Variants in UIMC1 observed in about 807,000 individuals in gnomAD.
UIMC1 encodes the protein BRCA1-A complex subunit RAP80.
In UIMC1, 42 loss-of-function variants were observed where a neutral mutation model predicts 84.9. That is an observed-to-expected ratio of 0.49 (90% confidence interval 0.39 to 0.64). The LOEUF is 0.64. UIMC1 is among the 30% of genes least tolerant of loss of function. The pLI, the probability that UIMC1 is intolerant of heterozygous loss-of-function variation, is 0.00. For synonymous variants in UIMC1, 281 were observed against 293.0 expected, an observed-to-expected ratio of 0.96 and a Z score of 0.42; for missense variants, 825 against 847.6, an observed-to-expected ratio of 0.97 and a Z score of 0.33.
intron 10 of UIMC1, among the ~76,000 whole-genome samples, chr5:176,925,888 T>C (rs543894957): frequency 2.0e-5 from 3 of 152,272 alleles, no homozygotes; most frequent in Admixed American, 6.5e-5. Context: ...CACACAAATA[T>C]TGGAACTTGG....
intron 1 of UIMC1, among the ~76,000 whole-genome samples, chr5:177,002,760 T>C (rs760183503): frequency 1.3e-5 from 2 of 152,184 alleles, no homozygotes; most frequent in Non-Finnish European, 2.9e-5. Context: ...ATCGTGCCAC[T>C]GCACTCCAGC....
chr5:176,928,612 A>G (rs139686640), intron 10 of UIMC1, among the ~76,000 whole-genome samples: 1,634 of 152,348 alleles, frequency 0.011, 10 homozygotes, highest in South Asian at 0.025. Flanking sequence ...CAAAAAAACA[A>G]TTATTGGACT....
chr5:177,019,054 GGCTAACATAGTGA>G (rs1775734029), intron 1 of UIMC1, among the ~76,000 whole-genome samples: 2 of 152,038 alleles, frequency 1.3e-5, no homozygotes, highest in Non-Finnish European at 2.9e-5. Flanking sequence ...TGACCATCCT[GGCTAACATAGTGA>G]GACCCCGTCT....
rs578059165 is a variant in UIMC1 at position 176,949,781 on chromosome 5, C to T, written c.1443+1693G>A. ...AAAAACTTTTTTAAAAATCCCAGGC[C>T]GGGCACAGTGGCTCACGCCTGTAAT... is the stretch of plus-strand genomic sequence containing the variant. On this transcript the variant is annotated intron_variant, in intron 9 of 14. Coordinates refer to ENST00000511320, the MANE Select transcript of UIMC1 (RefSeq NM_001199298.2). Among the ~76,000 whole-genome samples the T allele has an allele frequency of 1.3e-4, 20 of 152,258 alleles. No individual in the cohort carries two copies. In the East Asian group the frequency reaches 3.7e-3, roughly 28 times the overall value.
chr5:176,951,567 T>C lies in UIMC1; in HGVS notation c.1350A>G (p.Leu450=). The C allele has an allele frequency of 1.3e-6, 2 of 1,580,454 alleles. No homozygotes were observed. Among genetic ancestry groups the C allele is most frequent in the Non-Finnish European group, 1.7e-6 (2 of 1,167,542 alleles). ...EEITVCPETQ[L]SSSETFDLER... is the part of the protein sequence containing the mutation. ...CAAGGTCAAAAGTTTCAGAGGAACT[T>C]AGCTGGGTCTCTGTAATTTAAAAAA... Residue 450 remains leucine, a synonymous_variant, in exon 9 of 15, where the codon CTA becomes CTG. Coordinates refer to ENST00000511320, the MANE Select transcript of UIMC1 (RefSeq NM_001199298.2).
rs751510068 is a variant in UIMC1, at chr5:176,982,494, A to G, written c.122T>C (p.Ile41Thr). The G allele has an allele frequency of 3.7e-6, 6 of 1,613,756 alleles. No individual in the cohort carries two copies. In the East Asian group the frequency reaches 1.3e-4, roughly 36 times the overall value. The change falls in exon 2 of 15, where the codon ATT (isoleucine) becomes ACT (threonine). Residue 41 changes from isoleucine (I) to threonine (T), a missense_variant. By Grantham distance (89) the Ile-to-Thr change is moderately conservative. Coordinates refer to ENST00000511320, the MANE Select transcript of UIMC1 (RefSeq NM_001199298.2). ...CTCTCCATCACTATCGGATATCACA[A>G]TGAATGCATCCTCAAGTCTACGCTT... is the stretch of plus-strand genomic sequence containing the variant. ...KRKRRLEDAFIVISDSDGEEP... is the reference protein window; with the variant it reads ...KRKRRLEDAFTVISDSDGEEP...
chr5:176,970,576 G>A, intron 4 of UIMC1, 166 bp downstream of exon 4: 1 of 1,083,424 alleles, frequency 9.2e-7, no homozygotes, highest in Admixed American at 1.9e-5. Context: ...TTTAAATTGG[G>A]TTAACCAACA....
chr5:176,993,630 AT>A (rs1172595741), intron 1 of UIMC1, among the ~76,000 whole-genome samples: 10 of 152,198 alleles, frequency 6.6e-5, no homozygotes, highest in African/African-American at 2.4e-4. Flanking sequence ...TCTACTGATA[AT>A]TTGTAAGGCA....
chr5:176,979,951 G>A (rs947509197), intron 2 of UIMC1, among the ~76,000 whole-genome samples: 8 of 152,136 alleles, frequency 5.3e-5, no homozygotes, highest in Non-Finnish European at 7.4e-5. Flanking sequence ...TGCACTCAAT[G>A]TGGGTGAACA....
At chr5:176,936,438 C>T (rs576587129) in intron 10 of UIMC1, among the ~76,000 whole-genome samples, 1 of 152,330 alleles carries the variant, frequency 6.6e-6, no homozygotes. Flanking sequence ...TCACCCTTGT[C>T]CCACAACCCA....
At chr5:176,921,849 AC>A (rs1009935875) in intron 10 of UIMC1, among the ~76,000 whole-genome samples, 9 of 151,280 alleles carry the variant, frequency 5.9e-5, no homozygotes, top group Non-Finnish European at 1.5e-5. Context: ...CTCGTTCTCA[AC>A]CCCCCTATGG....
intron 2 of UIMC1, among the ~76,000 whole-genome samples, chr5:176,980,908 G>A (rs1390627975): frequency 6.6e-6 from 1 of 151,336 alleles, no homozygotes; most frequent in Non-Finnish European, 1.5e-5. Context: ...GCCCAGCTAA[G>A]TTTTGTATTT....
intron 10 of UIMC1, among the ~76,000 whole-genome samples, chr5:176,921,372 A>G (rs544059748): frequency 5.3e-4 from 80 of 152,312 alleles, no homozygotes; most frequent in South Asian, 5.0e-3. Context: ...TTCCATCAGC[A>G]TACAAATATG....
intron 10 of UIMC1, among the ~76,000 whole-genome samples, chr5:176,940,901 C>G (rs116189953): frequency 6.6e-6 from 1 of 152,122 alleles, no homozygotes; most frequent in Non-Finnish European, 1.5e-5. Context: ...TTCACAGATG[C>G]ATAAAGGGAA....
upstream of UIMC1, among the ~76,000 whole-genome samples, chr5:177,011,559 G>C (rs1775548721): frequency 6.6e-6 from 1 of 152,042 alleles, no homozygotes; most frequent in Non-Finnish European, 1.5e-5. Context: ...CTCCAGCCTA[G>C]GCAATAGAGT....
intron 1 of UIMC1, among the ~76,000 whole-genome samples, chr5:176,985,646 CCAGG>C (rs1333752475): frequency 6.6e-6 from 1 of 151,982 alleles, no homozygotes; most frequent in Non-Finnish European, 1.5e-5. Flanking sequence ...GCTCTGTCAC[CCAGG>C]CTAGGGTGCA....
intron 10 of UIMC1, among the ~76,000 whole-genome samples, chr5:176,940,876 G>C (rs1049292096): frequency 6.6e-6 from 1 of 152,230 alleles, no homozygotes; most frequent in African/African-American, 2.4e-5. Context: ...AACTGAACAA[G>C]GTAATTATTA....
chr5:176,911,170 G>GAAAAGAA, intron 11 of UIMC1, 141 bp downstream of exon 11: 1 of 187,768 alleles, frequency 5.3e-6, no homozygotes, highest in Non-Finnish European at 9.3e-6. Flanking sequence ...GAAAAGAAAA[G>GAAAAGAA]AAAAGAAAAT....
chr5:176,951,789 T>C (rs562409742), intron 8 of UIMC1, among the ~76,000 whole-genome samples: 1 of 152,216 alleles, frequency 6.6e-6, no homozygotes, highest in South Asian at 2.1e-4. Context: ...CAGTTTAATG[T>C]GTTTTGACAA....
Sources: allele counts gnomAD v4.1 joint callset (sites outside exome capture counted in the v4.1 genomes callset), GRCh38; gene constraint gnomAD v4.1.1; transcripts MANE v1.5; gene names NCBI Gene and HGNC (gene_info 2026-07-23, HGNC 2026-07-21).